LOXL1: variants seen among roughly 807,000 people sequenced by gnomAD.
LOXL1 encodes lysyl oxidase homolog 1.
A neutral mutation model predicts 62.2 loss-of-function variants in LOXL1; 31 were observed. The ratio of observed to expected loss-of-function variants is 0.50; its 90% CI spans 0.37 to 0.67. LOXL1 has a LOEUF of 0.67. Ranked by LOEUF, LOXL1 falls within the 30% of genes least tolerant of loss-of-function variation. The probability of loss-of-function intolerance (pLI) is 0.00; values close to 1 mark genes in which losing one functional copy is unlikely to be tolerated. For synonymous variants in LOXL1, 403 were observed against 384.4 expected (o/e 1.05, Z -0.56); for missense variants, 775 against 843.4 (o/e 0.92, Z 1.00).
intron 1 of LOXL1, among the ~76,000 whole-genome samples, chr15:73,931,293 G>A (rs2068634081): frequency 6.7e-6 from 1 of 148,234 alleles, no homozygotes; most frequent in South Asian, 2.2e-4. Context: ...TGGCCAATCA[G>A]AGGCCAGGAG....
At chr15:73,946,372 TCACTGTGCCC>T in intron 2 of LOXL1, 35 bp from the exon 3 acceptor site, 1 of 1,467,012 alleles carries the variant, frequency 6.8e-7, no homozygotes. Context: ...GGTTCTGGTG[TCACTGTGCCC>T]CAACCCCCCC....
intron 1 of LOXL1, among the ~76,000 whole-genome samples, chr15:73,936,123 C>T (rs893816): frequency 0.29 from 43,417 of 151,846 alleles, 6,843 homozygotes; most frequent in East Asian, 0.55. Context: ...AAACCACAGA[C>T]GGCTTTAGCT....
Position 73,947,171 on chromosome 15 carries a change from G to A in LOXL1, c.1454G>A (p.Ser485Asn), listed in dbSNP as rs201577796. Residue 485 changes from serine (S) to asparagine (N), a missense_variant, in exon 4 of 7, where the codon AGC becomes AAC. Coordinates refer to ENST00000261921, the MANE Select transcript of LOXL1 (RefSeq NM_005576.4). ...AAGGCCAGTTTCTGCCTGGAGGACA[G>A]CACCTGTGACTTCGGCAACCTCAAG... is the stretch of plus-strand genomic sequence containing the variant. ...GHKASFCLED[S>N]TCDFGNLKRY... 1 of 1,613,494 alleles carries A rather than the reference G, an allele frequency of 6.2e-7. No individual in the cohort carries two copies. Among genetic ancestry groups the A allele is most frequent in the East Asian group, 2.2e-5 (1 of 44,856 alleles).
chr15:73,950,893 G>T (rs928352410), intron 6 of LOXL1, among the ~76,000 whole-genome samples: 2 of 152,188 alleles, frequency 1.3e-5, no homozygotes, highest in African/African-American at 4.8e-5. Flanking sequence ...CAGAGATTAG[G>T]TTCCTCATGA....
chr15:73,941,990 C>A, intron 1 of LOXL1: 1 of 262,884 alleles, frequency 3.8e-6, no homozygotes. Flanking sequence ...AGGACGGGGG[C>A]AGTCTCCAGA....
At chr15:73,943,430 T>G (rs1035180217) in intron 2 of LOXL1, among the ~76,000 whole-genome samples, 8 of 152,174 alleles carry the variant, frequency 5.3e-5, no homozygotes, top group African/African-American at 1.7e-4. Context: ...TGGAGCCATG[T>G]CCACAGAGGA....
At chr15:73,944,991 C>T (rs915406836) in intron 2 of LOXL1, among the ~76,000 whole-genome samples, 1 of 152,202 alleles carries the variant, frequency 6.6e-6, no homozygotes, top group African/African-American at 2.4e-5. Flanking sequence ...GGAAGAGCCC[C>T]TGAGGCCAAC....
At position 73,927,947 on chromosome 15, in the gene LOXL1, G is replaced by T. The variant is rs117492789; in HGVS notation, c.1102+62G>T. ...CCCCTGGCCACTGGAAACTGCTCCGGGCCCCCCGGGCCCCTCCTTAGAACT... is the reference window on the plus strand; with the variant it reads ...CCCCTGGCCACTGGAAACTGCTCCGTGCCCCCCGGGCCCCTCCTTAGAACT... On this transcript the variant is annotated intron_variant, in intron 1 of 6. Transcript: ENST00000261921. 3,270 of 1,259,724 alleles carry T rather than the reference G, an allele frequency of 2.6e-3. 18 individuals are homozygous for T. The highest frequency in any genetic ancestry group is 0.02 in the East Asian group (639 of 31,522). 78.0% of individuals were successfully genotyped at this position (1,259,724 alleles called of 1,614,324 possible). A position where few individuals can be genotyped will look rare whatever the true frequency, so the allele number is the denominator to read the frequency against.
In LOXL1 at chr15:73,949,599, C is replaced by T. The variant is rs759646699; in HGVS notation, c.1718+25C>T. On this transcript the variant is annotated intron_variant, in intron 6 of 6. Transcript: ENST00000261921. Reference sequence around the variant, plus strand: ...AGTAAGAGTTTGCCCACCACCCTTCCTGGCTCCGTCCCTTTCCTGCCTGGG... The same window carrying T: ...AGTAAGAGTTTGCCCACCACCCTTCTTGGCTCCGTCCCTTTCCTGCCTGGG... 8 of 1,515,470 alleles carry T rather than the reference C, an allele frequency of 5.3e-6. No homozygotes were observed. The Admixed American group carries it at 1.3e-4, about 25-fold the overall frequency. 93.9% of individuals were successfully genotyped at this position (1,515,470 alleles called of 1,614,324 possible).
rs2068589254 is a variant in LOXL1, at chr15:73,927,281, C to T, written c.498C>T (p.Thr166=). 1 of 1,603,290 alleles carries T rather than the reference C, an allele frequency of 6.2e-7. No individual in the cohort carries two copies. The highest frequency in any genetic ancestry group is 8.5e-7 in the Non-Finnish European group (1 of 1,177,656). ...TCTCGGCTTCGGCCTTCGCCAGCAC[C>T]TACCGCCAGCAGCCCTCCTACCCGC... ...SSVSASAFAS[T]YRQQPSYPQQ... The change falls in exon 1 of 7, where the codon ACC becomes ACT. Residue 166 remains threonine (T), a synonymous_variant. Coordinates refer to ENST00000261921, the MANE Select transcript of LOXL1 (RefSeq NM_005576.4).
Position 73,940,716 on chromosome 15 carries a change from G to T in LOXL1, c.1103-2138G>T, listed in dbSNP as rs1361227913. 3.9e-5 allele frequency among the ~76,000 whole-genome samples: 6 copies of T among 152,186 alleles called. No homozygotes were observed. In the East Asian group the frequency reaches 1.2e-3, roughly 29 times the overall value. ...GCGCTTAATGTGACCAGGGTCAGAGGTCAGTCTGTGACCAAGGTCAGGGTG... is the reference window on the plus strand; with the variant it reads ...GCGCTTAATGTGACCAGGGTCAGAGTTCAGTCTGTGACCAAGGTCAGGGTG... On this transcript the variant is annotated intron_variant, in intron 1 of 6. Coordinates refer to ENST00000261921, the MANE Select transcript of LOXL1 (RefSeq NM_005576.4).
intron 5 of LOXL1, 61 bp from the exon 6 acceptor site, chr15:73,949,398 G>C: frequency 1.1e-6 from 1 of 928,836 alleles, no homozygotes; most frequent in Admixed American, 1.7e-5. Context: ...TCTCTGGTGA[G>C]CAGTTGAGGT....
intron 1 of LOXL1, among the ~76,000 whole-genome samples, chr15:73,939,453 G>A (rs1445381111): frequency 2.0e-5 from 3 of 152,254 alleles, no homozygotes; most frequent in Non-Finnish European, 4.4e-5. Flanking sequence ...GGAGCTCAGA[G>A]AGGGAGTCAC....
chr15:73,931,120 GCTCCC>G (rs2068632400), intron 1 of LOXL1, among the ~76,000 whole-genome samples: 1 of 151,698 alleles, frequency 6.6e-6, no homozygotes, highest in Admixed American at 6.6e-5. Context: ...GAAGACCAAA[GCTCCC>G]CTCCCAAGGC....
At chr15:73,938,867 C>T (rs963908960) in intron 1 of LOXL1, among the ~76,000 whole-genome samples, 1 of 152,136 alleles carries the variant, frequency 6.6e-6, no homozygotes, top group African/African-American at 2.4e-5. Flanking sequence ...GACAACAGAG[C>T]AAGACCCTGT....
intron 1 of LOXL1, among the ~76,000 whole-genome samples, chr15:73,934,436 A>C (rs1000916166): frequency 6.6e-6 from 1 of 152,174 alleles, no homozygotes; most frequent in Admixed American, 6.5e-5. Context: ...GAGTGGCCCA[A>C]GTCCATGTCT....
chr15:73,938,758 G>A (rs1595846272), intron 1 of LOXL1, among the ~76,000 whole-genome samples: 1 of 152,236 alleles, frequency 6.6e-6, no homozygotes, highest in South Asian at 2.1e-4. Flanking sequence ...GTTCACGCCT[G>A]CAATCCCAGG....
chr15:73,940,820 C>T (rs546597294), intron 1 of LOXL1, among the ~76,000 whole-genome samples: 1 of 152,368 alleles, frequency 6.6e-6, no homozygotes, highest in East Asian at 1.9e-4. Context: ...TTGGCCCTCA[C>T]TGGCCCCACC....
At chr15:73,929,975 A>C (rs1011067021) in intron 1 of LOXL1, among the ~76,000 whole-genome samples, 1 of 152,188 alleles carries the variant, frequency 6.6e-6, no homozygotes, top group African/African-American at 2.4e-5. Context: ...GGGGAATGGG[A>C]CAGGGCAAGG....
Sources: gnomAD v4.1 joint callset for allele counts (sites outside exome capture counted in the v4.1 genomes callset) on GRCh38, gnomAD v4.1.1 for gene constraint, MANE v1.5 for transcripts, NCBI Gene and HGNC (gene_info 2026-07-23, HGNC 2026-07-21) for gene names.